Variants in REG3G observed in about 807,000 individuals in gnomAD.
The protein encoded by REG3G is regenerating family member 3 gamma.
A neutral mutation model predicts 20.9 loss-of-function variants in REG3G; 19 were observed. The observed-to-expected ratio is 0.91, with a 90% CI of 0.64 to 1.34. REG3G has a LOEUF of 1.34. REG3G is among the 40% of genes most tolerant of loss of function. REG3G has a pLI of 0.00. For missense variants in REG3G, 235 were observed against 205.0 expected, an observed-to-expected ratio of 1.15 and a Z score of -0.89; for synonymous variants, 89 against 77.4, an observed-to-expected ratio of 1.15 and a Z score of -0.79.
intron 3 of REG3G, 57 bp downstream of exon 3, chr2:79,026,888 G>C: frequency 8.6e-6 from 11 of 1,272,524 alleles, no homozygotes; most frequent in South Asian, 6.2e-5. Context: ...CAGGTCTCAG[G>C]GGGAGGAGGG....
intron 1 of REG3G, 61 bp downstream of exon 1, chr2:79,025,834 AACGCAT>A (rs1264011614): frequency 1.3e-5 from 6 of 450,964 alleles, no homozygotes; most frequent in African/African-American, 1.2e-4. Context: ...AATACAGGAG[AACGCAT>A]GGGAGGGTCC....
chr2:79,026,588 G>A (rs570096945), intron 2 of REG3G, 125 bp from the exon 3 acceptor site: 17 of 770,716 alleles, frequency 2.2e-5, no homozygotes, highest in African/African-American at 3.5e-5. Context: ...GAAAACACAA[G>A]GGAAGATGAA....
Position 79,027,189 on chromosome 2 carries a change from C to T in REG3G, c.333+18C>T. The T allele has an allele frequency of 6.2e-7, 1 of 1,612,818 alleles. No homozygotes were observed. The highest frequency in any genetic ancestry group is 8.5e-7 in the Non-Finnish European group (1 of 1,179,118). On this transcript the variant is annotated intron_variant, in intron 4 of 5. Transcript: ENST00000272324. ...CCACACAGGTGCGAGTATATCCTCC[C>T]CTCTCTGTTACCTCTCAAGGTACTG...
Position 79,028,189 on chromosome 2 carries a change from TTTATA to T in REG3G, c.461-17_461-13del, listed in dbSNP as rs1200070096. 6.3e-7 allele frequency: 1 copy of T among 1,587,538 alleles called. No individual in the cohort carries two copies. Among genetic ancestry groups the T allele is most frequent in the Non-Finnish European group, 8.7e-7 (1 of 1,155,812 alleles). ...CACAAGTTCCCCCAGCCCCATGCCT[TTTATA>T]TTCTGTCTCCCTAGGATTTCTGAAG... On this transcript the variant is annotated splice_polypyrimidine_tract_variant and intron_variant, in intron 5 of 5. Transcript: ENST00000272324.
rs1345022994 is a variant in REG3G at position 79,027,875 on chromosome 2, G to GA, written c.407dup (p.Asn136LysfsTer27). On this transcript the variant is annotated frameshift_variant, in exon 5 of 6. Coordinates refer to ENST00000272324, the MANE Select transcript of REG3G (RefSeq NM_001008387.3). LOFTEE classifies it high-confidence loss of function. Reference sequence around the variant, plus strand: ...ATGTGATGAATTACTTTGCATGGGAGAAAAATCCCTCCACCATCTTAAACC... The same window carrying GA: ...ATGTGATGAATTACTTTGCATGGGAGAAAAAATCCCTCCACCATCTTAAACC... The GA allele has an allele frequency of 6.2e-7, 1 of 1,614,086 alleles. No homozygotes were observed. Among genetic ancestry groups the GA allele is most frequent in the Non-Finnish European group, 8.5e-7 (1 of 1,179,982 alleles).
At chr2:79,027,753 A>C (rs1345681192) in intron 4 of REG3G, 54 bp from the exon 5 acceptor site, 1 of 1,608,194 alleles carries the variant, frequency 6.2e-7, no homozygotes, top group African/African-American at 1.3e-5. Flanking sequence ...GGGGCCATGC[A>C]AAGAGACCTG....
Position 79,027,100 on chromosome 2 carries a change from G to A in REG3G, c.262G>A (p.Val88Met), listed in dbSNP as rs779615598. 2.2e-5 allele frequency: 36 copies of A among 1,613,846 alleles called. No homozygotes were observed. Among genetic ancestry groups the A allele is most frequent in the Middle Eastern group, 1.6e-4 (1 of 6,082 alleles). The part of the protein sequence containing the change: ...SVLSGAEGSF[V>M]SSLVRSISNS... Reference sequence around the variant, plus strand: ...GCTCAGTGGGGCTGAGGGATCCTTCGTGTCCTCCCTGGTGAGGAGCATTAG... The same window carrying A: ...GCTCAGTGGGGCTGAGGGATCCTTCATGTCCTCCCTGGTGAGGAGCATTAG... Residue 88 changes from valine to methionine, a missense_variant, in exon 4 of 6, where the codon GTG becomes ATG. Physicochemically the swap from Val to Met is conservative, Grantham distance 21. Transcript: ENST00000272324.
At position 79,026,064 on chromosome 2, in the gene REG3G, A is replaced by C; in HGVS notation, c.-30A>C. 6.2e-7 allele frequency: 1 copy of C among 1,609,884 alleles called. No individual in the cohort carries two copies. The highest frequency in any genetic ancestry group is 8.5e-7 in the Non-Finnish European group (1 of 1,176,322). On this transcript the variant is annotated 5_prime_UTR_variant, in exon 2 of 6. Transcript: ENST00000272324. ...CCCGCTGACCACACTTCCTTTAGTG[A>C]CCCGATTGCCTCCTCAAGTCGCAGA...
At chr2:79,027,360 T>A in intron 4 of REG3G, 189 bp downstream of exon 4, 2 of 580,016 alleles carry the variant, frequency 3.4e-6, no homozygotes, top group South Asian at 5.5e-5. Context: ...ATCCCTAGTC[T>A]TTAAAGAAAA....
At chr2:79,026,659 C>T in intron 2 of REG3G, 54 bp from the exon 3 acceptor site, 1 of 1,428,652 alleles carries the variant, frequency 7.0e-7, no homozygotes, top group Non-Finnish European at 9.7e-7. Context: ...CCAAGGTCAT[C>T]TCCCACCCAC....
At chr2:79,025,863 G>A (rs373729562) in intron 1 of REG3G, 90 bp downstream of exon 1, 49 of 524,520 alleles carry the variant, frequency 9.3e-5, no homozygotes, top group Middle Eastern at 1.0e-3. Context: ...TCCTCAGGGA[G>A]CACAGGAGCT....
chr2:79,027,726 T>TTC lies in REG3G; in HGVS notation c.334-81_334-80insTC. 3 of 1,527,846 alleles carry TTC rather than the reference T, an allele frequency of 2.0e-6. No individual in the cohort carries two copies. In the South Asian group the frequency reaches 3.5e-5, roughly 18 times the overall value. The allele number at this position is 1,527,846 out of a possible 1,614,324, so 94.6% of individuals were successfully genotyped here. On this transcript the variant is annotated intron_variant, in intron 4 of 5. Coordinates refer to ENST00000272324, the MANE Select transcript of REG3G (RefSeq NM_001008387.3). The stretch of plus-strand genomic sequence containing the variant: ...CAAAATCCCTGATGCTGGGGAGGAA[T>TTC]CAGGTGTTACAGCTCAGGGGCCATG...
chr2:79,026,423 C>T (rs1386918387), intron 2 of REG3G: 1 of 595,940 alleles, frequency 1.7e-6, no homozygotes, highest in South Asian at 2.0e-5. Flanking sequence ...TGTGGAGGGT[C>T]AGCAATGAGA....
In REG3G at chr2:79,027,801, C is replaced by T; in HGVS notation, c.334-6C>T. On this transcript the variant is annotated splice_polypyrimidine_tract_variant and splice_region_variant and intron_variant, in intron 4 of 5. Transcript: ENST00000272324. ...TCTTCACCTGGCTGCCTCCTCTTCT[C>T]TATAGGGCTCTGAGCCTGATGGAGA... 6.2e-7 allele frequency: 1 copy of T among 1,613,980 alleles called. No individual in the cohort carries two copies. The highest frequency in any genetic ancestry group is 1.3e-5 in the African/African-American group (1 of 75,044).
chr2:79,027,028 T>G lies in REG3G; in HGVS notation c.196-6T>G. On this transcript the variant is annotated splice_polypyrimidine_tract_variant and splice_region_variant and intron_variant, in intron 3 of 5. Coordinates refer to ENST00000272324, the MANE Select transcript of REG3G (RefSeq NM_001008387.3). ...CTCCATCTCATTCTCTTTGTCCCCC[T>G]CAAAGCTGGCTTGCCAGAAGCGGCC... The G allele has an allele frequency of 6.2e-7, 1 of 1,614,000 alleles. No individual in the cohort carries two copies. Among genetic ancestry groups the G allele is most frequent in the South Asian group, 1.1e-5 (1 of 91,072 alleles).
At position 79,026,097 on chromosome 2, in the gene REG3G, C is replaced by G; in HGVS notation, c.4C>G (p.Leu2Val). M[L>V]PPMALPSVSW... ...GCCTCCTCAAGTCGCAGACACTATGCTGCCTCCCATGGCCCTGCCCAGTGT... is the reference window on the plus strand; with the variant it reads ...GCCTCCTCAAGTCGCAGACACTATGGTGCCTCCCATGGCCCTGCCCAGTGT... Residue 2 changes from leucine (L) to valine (V), a missense_variant, in exon 2 of 6, where the codon CTG becomes GTG. By Grantham distance (32) the Leu-to-Val change is conservative. Transcript: ENST00000272324. The G allele has an allele frequency of 6.2e-7, 1 of 1,613,960 alleles. No homozygotes were observed. The highest frequency in any genetic ancestry group is 8.5e-7 in the Non-Finnish European group (1 of 1,179,860).
In REG3G at chr2:79,026,601, G is replaced by A. The variant is rs977543053; in HGVS notation, c.77-112G>A. 60 of 817,630 alleles carry A rather than the reference G, an allele frequency of 7.3e-5. No individual in the cohort carries two copies. The African/African-American group carries it at 9.3e-4, about 13-fold the overall frequency. 50.6% of individuals were successfully genotyped at this position (817,630 alleles called of 1,614,324 possible). On this transcript the variant is annotated intron_variant, in intron 2 of 5. Coordinates refer to ENST00000272324, the MANE Select transcript of REG3G (RefSeq NM_001008387.3). Reference sequence around the variant, plus strand: ...CTGAAAACACAAGGGAAGATGAAGAGCTGTCAGGAATGTGGTCTTCCTCCC... The same window carrying A: ...CTGAAAACACAAGGGAAGATGAAGAACTGTCAGGAATGTGGTCTTCCTCCC...
At chr2:79,026,640 A>T in intron 2 of REG3G, 73 bp from the exon 3 acceptor site, 1 of 1,214,150 alleles carries the variant, frequency 8.2e-7, no homozygotes, top group Non-Finnish European at 1.2e-6. Flanking sequence ...GGGCAGACCT[A>T]GATATTCCCC....
Position 79,026,748 on chromosome 2 carries a change from A to T in REG3G, c.112A>T (p.Ile38Phe), listed in dbSNP as rs769160730. The change falls in exon 3 of 6, where the codon ATC becomes TTC. Residue 38 changes from isoleucine to phenylalanine, a missense_variant. Transcript: ENST00000272324. ...ETQKELPSPR[I>F]SCPKGSKAYG... ...CCAGAAGGAACTGCCCTCTCCACGG[A>T]TCAGCTGTCCCAAAGGCTCCAAGGC... is the stretch of plus-strand genomic sequence containing the variant. The T allele has an allele frequency of 1.2e-6, 2 of 1,613,814 alleles. No homozygotes were observed. The highest frequency in any genetic ancestry group is 3.3e-5 in the Admixed American group (2 of 59,988).
Sources: allele counts gnomAD v4.1 joint callset, GRCh38; gene constraint gnomAD v4.1.1; transcripts MANE v1.5; gene names NCBI Gene and HGNC (gene_info 2026-07-23, HGNC 2026-07-21).